Variants in PTPRE observed in about 807,000 individuals in gnomAD.
The protein encoded by PTPRE is protein tyrosine phosphatase receptor type E, also known as receptor-type tyrosine-protein phosphatase epsilon.
Under a neutral mutation model 102.0 loss-of-function variants are expected in PTPRE, and 51 were observed. The ratio of observed to expected loss-of-function variants is 0.50; its 90% confidence interval spans 0.40 to 0.63. The LOEUF (loss-of-function observed/expected upper bound fraction) is 0.63, where lower values mean the gene tolerates loss of function less well. Among genes scored for constraint, PTPRE ranks in the 30% least tolerant of loss-of-function variants. PTPRE has a pLI of 0.00. For synonymous variants in PTPRE, 345 were observed against 348.2 expected, an observed-to-expected ratio of 0.99 and a Z score of 0.10; for missense variants, 752 against 915.1, an observed-to-expected ratio of 0.82 and a Z score of 2.30.
At chr10:128,055,305 G>A (rs1408946515) in intron 6 of PTPRE, among the ~76,000 whole-genome samples, 1 of 152,200 alleles carries the variant, frequency 6.6e-6, no homozygotes, top group Admixed American at 6.5e-5. Flanking sequence ...AGGAATCAGA[G>A]ATGGCGGCTG....
Position 127,949,325 on chromosome 10 carries a change from C to A in PTPRE, c.-30-32949C>A, listed in dbSNP as rs186470548. Among the ~76,000 whole-genome samples the A allele has an allele frequency of 2.5e-4, 38 of 152,194 alleles. 1 individual carries two copies. The highest frequency in any genetic ancestry group is 8.9e-4 in the African/African-American group (37 of 41,526). ...TATTAGTTCTGTCTCTCTGGAGAAC[C>A]CTGGCTAATACAGATTTTGGTACCA... On this transcript the variant is annotated intron_variant, in intron 1 of 20. Coordinates refer to ENST00000254667, the MANE Select transcript of PTPRE (RefSeq NM_006504.6).
intron 1 of PTPRE, among the ~76,000 whole-genome samples, chr10:127,915,149 A>G (rs923736232): frequency 6.6e-6 from 1 of 152,242 alleles, no homozygotes; most frequent in African/African-American, 2.4e-5. Flanking sequence ...ACATTTTAGC[A>G]TCTTAAATAT....
At chr10:127,957,478 G>A (rs1849487932) in intron 1 of PTPRE, among the ~76,000 whole-genome samples, 1 of 152,048 alleles carries the variant, frequency 6.6e-6, no homozygotes, top group African/African-American at 2.4e-5. Context: ...AAGAATATTT[G>A]CATTTTTACT....
chr10:128,031,410 G>A (rs1434294650), intron 2 of PTPRE, among the ~76,000 whole-genome samples: 1 of 152,240 alleles, frequency 6.6e-6, no homozygotes, highest in African/African-American at 2.4e-5. Context: ...CGGGAGGGCT[G>A]TGCTGTTTCC....
intron 2 of PTPRE, among the ~76,000 whole-genome samples, chr10:127,992,263 G>A (rs1852747768): frequency 6.6e-6 from 1 of 152,118 alleles, no homozygotes; most frequent in Non-Finnish European, 1.5e-5. Context: ...GGTACCGAAT[G>A]TCTGTGCTAA....
intron 2 of PTPRE, among the ~76,000 whole-genome samples, chr10:128,033,226 C>T (rs1846921730): frequency 6.6e-6 from 1 of 152,218 alleles, no homozygotes; most frequent in African/African-American, 2.4e-5. Flanking sequence ...CGACTATTCT[C>T]AGCTAATTTT....
intron 4 of PTPRE, 122 bp downstream of exon 4, chr10:128,047,611 G>A (rs376952953): frequency 3.7e-6 from 6 of 1,613,638 alleles, no homozygotes; most frequent in Non-Finnish European, 5.1e-6. Context: ...GCTGGGCCTG[G>A]GAGACACACA....
chr10:128,047,675 G>A (rs761916657), intron 4 of PTPRE, 89 bp from the exon 5 acceptor site: 2 of 1,614,168 alleles, frequency 1.2e-6, no homozygotes, highest in Admixed American at 3.3e-5. Context: ...GCTTTTCCCG[G>A]CTCACCTGGT....
chr10:128,081,659 C>T (rs1033392341), intron 20 of PTPRE, among the ~76,000 whole-genome samples: 1 of 152,182 alleles, frequency 6.6e-6, no homozygotes, highest in African/African-American at 2.4e-5. Context: ...TTGAGAATTC[C>T]TTCTAAGAAT....
rs139312897 is a variant in PTPRE at position 127,968,618 on chromosome 10, A to G, written c.-30-13656A>G. ...CAATTTGTGGAAGGAGCGTTGTATC[A>G]GGATGGTTTCTAATTCAGGTGGATT... is the stretch of plus-strand genomic sequence containing the variant. On this transcript the variant is annotated intron_variant, in intron 1 of 20. Transcript: ENST00000254667. 1.1e-3 allele frequency among the ~76,000 whole-genome samples: 165 copies of G among 152,344 alleles called. No individual in the cohort carries two copies. In the South Asian group the frequency reaches 0.015, roughly 14 times the overall value.
At chr10:128,049,394 C>A in intron 5 of PTPRE, 136 bp from the exon 6 acceptor site, 2 of 1,124,370 alleles carry the variant, frequency 1.8e-6, no homozygotes, top group Non-Finnish European at 2.5e-6. Context: ...CGGCTTAGCC[C>A]AGCTATGCGA....
intron 6 of PTPRE, among the ~76,000 whole-genome samples, chr10:128,050,692 T>C (rs993785287): frequency 3.3e-5 from 5 of 152,246 alleles, no homozygotes; most frequent in African/African-American, 9.6e-5. Flanking sequence ...GTGCTGGCCC[T>C]GGCACATCAG....
chr10:128,064,690 C>T (rs1340992338), intron 10 of PTPRE, among the ~76,000 whole-genome samples: 2 of 152,258 alleles, frequency 1.3e-5, no homozygotes, highest in Admixed American at 6.5e-5. Flanking sequence ...CATCTTCCCC[C>T]ACAACCTCCT....
chr10:128,038,118 C>T (rs542982032), intron 2 of PTPRE, among the ~76,000 whole-genome samples: 15 of 152,238 alleles, frequency 9.9e-5, no homozygotes, highest in African/African-American at 3.6e-4. Flanking sequence ...ATTTTAATCA[C>T]TGTTTCAAGC....
chr10:128,066,383 G>C (rs570279618), intron 11 of PTPRE, among the ~76,000 whole-genome samples, 189 bp downstream of exon 11: 18 of 152,338 alleles, frequency 1.2e-4, no homozygotes, highest in African/African-American at 4.1e-4. Flanking sequence ...ACCAGAGGCC[G>C]GTGCACAAGG....
At chr10:128,010,499 TCTC>T (rs1198649034) in intron 2 of PTPRE, among the ~76,000 whole-genome samples, 1 of 151,708 alleles carries the variant, frequency 6.6e-6, no homozygotes, top group Admixed American at 6.6e-5. Flanking sequence ...CCTACTTCCT[TCTC>T]CTCTCAACTT....
At chr10:127,922,084 G>T (rs921571565) in intron 1 of PTPRE, among the ~76,000 whole-genome samples, 11 of 152,246 alleles carry the variant, frequency 7.2e-5, no homozygotes, top group African/African-American at 2.4e-4. Context: ...CTTTTTGAAA[G>T]AAGGCTACTG....
intron 6 of PTPRE, among the ~76,000 whole-genome samples, chr10:128,054,741 G>A (rs1291501848): frequency 6.6e-6 from 1 of 152,048 alleles, no homozygotes; most frequent in East Asian, 2.0e-4. Context: ...GAAGCTTCCT[G>A]CCCTCAGGAG....
chr10:127,926,645 C>T (rs567501042), intron 1 of PTPRE, among the ~76,000 whole-genome samples: 45 of 152,008 alleles, frequency 3.0e-4, no homozygotes, highest in African/African-American at 9.9e-4. Flanking sequence ...GGTCTAGCGA[C>T]GGGCTCTGTG....
Sources: gnomAD v4.1 joint callset for allele counts (sites outside exome capture counted in the v4.1 genomes callset) on GRCh38, gnomAD v4.1.1 for gene constraint, MANE v1.5 for transcripts, NCBI Gene and HGNC (gene_info 2026-07-23, HGNC 2026-07-21) for gene names.